ZC3H11A: variants seen among roughly 807,000 people sequenced by gnomAD.
ZC3H11A encodes the protein zinc finger CCCH domain-containing protein 11A.
A neutral mutation model predicts 90.8 loss-of-function variants in ZC3H11A; 22 were observed. The observed-to-expected ratio is 0.24, with a 90% CI of 0.17 to 0.35. ZC3H11A has a LOEUF of 0.35. Ranked by LOEUF, ZC3H11A falls within the 10% of genes least tolerant of loss-of-function variation. The pLI, the probability that ZC3H11A is intolerant of heterozygous loss-of-function variation, is 1.00. For synonymous variants in ZC3H11A, 294 were observed against 339.8 expected, an observed-to-expected ratio of 0.87 and a Z score of 1.48; for missense variants, 701 against 964.9, an observed-to-expected ratio of 0.73 and a Z score of 3.62.
rs1389880517 is a variant in ZC3H11A at position 203,802,825 on chromosome 1, G to T, written c.-337G>T. 2.0e-5 allele frequency: 3 copies of T among 152,212 alleles called. No homozygotes were observed. Among genetic ancestry groups the T allele is most frequent in the African/African-American group, 2.4e-5 (1 of 41,276 alleles). 9.4% of individuals were successfully genotyped at this position (152,212 alleles called of 1,614,324 possible). A position where few individuals can be genotyped will look rare whatever the true frequency, so the allele number is the denominator to read the frequency against. On this transcript the variant is annotated 5_prime_UTR_variant, in exon 2 of 18. An upstream open reading frame in the 5' UTR loses its in-frame stop. Coordinates refer to ENST00000367210, the MANE Select transcript of ZC3H11A (RefSeq NM_001376342.1). ...TTTGAATGGACTTAATCTCCCAGTA[G>T]TTGGGAGATGTTTTAAAAACACATG...
At chr1:203,813,607 T>C (rs1675245267) in intron 2 of ZC3H11A, among the ~76,000 whole-genome samples, 1 of 152,214 alleles carries the variant, frequency 6.6e-6, no homozygotes, top group Non-Finnish European at 1.5e-5. Context: ...CATAACAAAG[T>C]ATCACAAACT....
intron 12 of ZC3H11A, 23 bp downstream of exon 12, chr1:203,840,397 T>C: frequency 6.2e-7 from 1 of 1,601,870 alleles, no homozygotes; most frequent in Non-Finnish European, 8.5e-7. Context: ...TAAGACCAGA[T>C]TCTGATTATT....
intron 11 of ZC3H11A, 49 bp from the exon 12 acceptor site, chr1:203,840,257 A>G (rs756308763): frequency 7.0e-6 from 11 of 1,578,486 alleles, no homozygotes; most frequent in Non-Finnish European, 9.6e-6. Context: ...TTTAAGCTGT[A>G]AAAAGTTTCT....
At chr1:203,806,830 CTT>C (rs373591619) in intron 2 of ZC3H11A, among the ~76,000 whole-genome samples, 4 of 117,858 alleles carry the variant, frequency 3.4e-5, no homozygotes, top group Non-Finnish European at 6.8e-5. Flanking sequence ...CCTCAGGTTC[CTT>C]TTTTTTTTTT....
rs774476429 is a variant in ZC3H11A, at chr1:203,847,515, G to A, written c.1374G>A (p.Glu458=). 1.9e-6 allele frequency: 3 copies of A among 1,613,968 alleles called. No individual in the cohort carries two copies. Among genetic ancestry groups the A allele is most frequent in the Non-Finnish European group, 2.5e-6 (3 of 1,179,876 alleles). Residue 458 remains glutamate (E), a synonymous_variant, in exon 13 of 18, where the codon GAG becomes GAA. Coordinates refer to ENST00000367210, the MANE Select transcript of ZC3H11A (RefSeq NM_001376342.1). ...TTGCCAGCAGAGGACAATCAGAGGA[G>A]CCTGCAGGTAAAACAAAGTCTATGC... ...PIVASRGQSE[E]PAGKTKSMQE... is the part of the protein sequence containing the mutation.
chr1:203,800,479 T>G, intron 1 of ZC3H11A: 1 of 1,464,740 alleles, frequency 6.8e-7, no homozygotes, highest in South Asian at 1.4e-5. Flanking sequence ...TTTCTCCATT[T>G]AAAATGGGCA....
intron 4 of ZC3H11A, among the ~76,000 whole-genome samples, chr1:203,820,277 G>A (rs1164288908): frequency 6.6e-6 from 1 of 151,226 alleles, no homozygotes; most frequent in African/African-American, 2.4e-5. Flanking sequence ...GTTGCACATA[G>A]TTGTCACGAC....
chr1:203,798,625 C>A, intron 1 of ZC3H11A: 1 of 1,536,116 alleles, frequency 6.5e-7, no homozygotes, highest in East Asian at 2.4e-5. Context: ...GACTCTGATT[C>A]AGATGAACCT....
chr1:203,830,315 T>A, intron 8 of ZC3H11A, 112 bp downstream of exon 8: 1 of 820,102 alleles, frequency 1.2e-6, no homozygotes, highest in South Asian at 1.8e-5. Context: ...TTCCATGGCC[T>A]GTTTGAAGTA....
At chr1:203,851,532 A>G (rs1439060556) in intron 17 of ZC3H11A, among the ~76,000 whole-genome samples, 4 of 151,988 alleles carry the variant, frequency 2.6e-5, no homozygotes, top group Non-Finnish European at 5.9e-5. Context: ...GTTTTGCCAC[A>G]TTGTCCAGGG....
At chr1:203,836,608 T>G in intron 10 of ZC3H11A, among the ~76,000 whole-genome samples, 1 of 151,984 alleles carries the variant, frequency 6.6e-6, no homozygotes, top group African/African-American at 2.4e-5. Flanking sequence ...TACAAAAAAG[T>G]CTACTAAAAA....
intron 8 of ZC3H11A, among the ~76,000 whole-genome samples, chr1:203,831,027 C>A (rs893469363): frequency 7.0e-6 from 1 of 143,360 alleles, no homozygotes; most frequent in African/African-American, 2.6e-5. Context: ...CTCACCACAA[C>A]CTCCACCTCC....
At chr1:203,833,518 A>G (rs1385765496) in intron 9 of ZC3H11A, among the ~76,000 whole-genome samples, 1 of 151,838 alleles carries the variant, frequency 6.6e-6, no homozygotes, top group East Asian at 1.9e-4. Context: ...GTGACAGAGC[A>G]AGAGTCTATT....
intron 16 of ZC3H11A, 139 bp from the exon 17 acceptor site, chr1:203,850,918 A>G (rs1689093476): frequency 2.5e-6 from 3 of 1,222,180 alleles, no homozygotes; most frequent in Non-Finnish European, 3.5e-6. Context: ...TTATATACTC[A>G]ACCTTTAGAT....
intron 2 of ZC3H11A, among the ~76,000 whole-genome samples, chr1:203,805,348 G>GTC (rs1671964031): frequency 6.6e-6 from 1 of 151,960 alleles, no homozygotes; most frequent in Non-Finnish European, 1.5e-5. Context: ...GGCCAGGCTG[G>GTC]TCTCGAACTT....
chr1:203,838,764 A>G (rs1685145803), intron 11 of ZC3H11A, among the ~76,000 whole-genome samples: 1 of 152,140 alleles, frequency 6.6e-6, no homozygotes, highest in South Asian at 2.1e-4. Flanking sequence ...CAGTCTGGCC[A>G]ACATGGCAAA....
At position 203,850,541 on chromosome 1, in the gene ZC3H11A, T is replaced by C. The variant is rs771074412; in HGVS notation, c.1966T>C (p.Ser656Pro). The C allele has an allele frequency of 1.2e-6, 2 of 1,613,988 alleles. No individual in the cohort carries two copies. The highest frequency in any genetic ancestry group is 1.7e-6 in the Non-Finnish European group (2 of 1,179,872). ...KAKPKVNVKPSVVKVVSSPKL... is the reference protein window; with the variant it reads ...KAKPKVNVKPPVVKVVSSPKL... The stretch of plus-strand genomic sequence containing the variant: ...TAAACCCAAAGTGAACGTGAAGCCA[T>C]CTGTGGTTAAAGTTGTGTCATCCCC... Residue 656 changes from serine (S) to proline (P), a missense_variant, in exon 16 of 18, where the codon TCT (serine) becomes CCT (proline). Ser to Pro is a moderately conservative substitution (Grantham distance 74, BLOSUM62 -1). This residue lies in a region of ZC3H11A where 530 missense variants were observed against 696.2 expected (regional missense o/e 0.76). Transcript: ENST00000367210.
intron 5 of ZC3H11A, 111 bp from the exon 6 acceptor site, chr1:203,829,340 A>G (rs1300813426): frequency 9.2e-7 from 1 of 1,088,564 alleles, no homozygotes; most frequent in Non-Finnish European, 1.3e-6. Context: ...GAAATTTAGT[A>G]TAAATGCTCA....
At chr1:203,838,307 A>AATGC (rs1365949313) in intron 11 of ZC3H11A, among the ~76,000 whole-genome samples, 11 of 152,352 alleles carry the variant, frequency 7.2e-5, no homozygotes, top group African/African-American at 2.6e-4. Flanking sequence ...AATACTTATA[A>AATGC]ATGCGATAAA....
Sources: gnomAD v4.1 joint callset for allele counts (sites outside exome capture counted in the v4.1 genomes callset) on GRCh38, gnomAD v4.1.1 for gene constraint, gnomAD v4.1.1 regional missense constraint, MANE v1.5 for transcripts, NCBI Gene and HGNC (gene_info 2026-07-23, HGNC 2026-07-21) for gene names.